Variants in EML6 observed in about 807,000 individuals in gnomAD.
The protein encoded by EML6 is EMAP like 6.
EML6 carries 154 observed loss-of-function variants against 240.1 expected under a neutral mutation model. The observed-to-expected ratio is 0.64, with a 90% confidence interval of 0.56 to 0.73. The LOEUF (loss-of-function observed/expected upper bound fraction) is 0.73, where lower values mean the gene tolerates loss of function less well. Ranked by LOEUF, EML6 falls within the 30% of genes least tolerant of loss-of-function variation. The pLI, the probability that EML6 is intolerant of heterozygous loss-of-function variation, is 0.00. For missense variants in EML6, 2,964 were observed against 2,474.6 expected (o/e 1.20, Z -4.20); for synonymous variants, 1,148 against 899.0 (o/e 1.28, Z -4.95).
At chr2:54,902,466 C>G (rs1411342607) in intron 22 of EML6, among the ~76,000 whole-genome samples, 1 of 152,200 alleles carries the variant, frequency 6.6e-6, no homozygotes, top group Non-Finnish European at 1.5e-5. Context: ...ATGGCATGAT[C>G]ACTGCTCACT....
chr2:54,745,670 G>A (rs1423868644), intron 2 of EML6, among the ~76,000 whole-genome samples: 1 of 152,046 alleles, frequency 6.6e-6, no homozygotes, highest in Non-Finnish European at 1.5e-5. Context: ...GGTCACAGCT[G>A]CTTGGGAGGC....
chr2:54,954,764 C>G (rs752751443), intron 32 of EML6, among the ~76,000 whole-genome samples: 1 of 152,196 alleles, frequency 6.6e-6, no homozygotes, highest in Non-Finnish European at 1.5e-5. Flanking sequence ...GTGTGGTCAT[C>G]TTAGAACTAA....
At chr2:54,894,839 GGGA>G (rs1672675988) in intron 19 of EML6, 73 bp from the exon 20 acceptor site, 1 of 917,720 alleles carries the variant, frequency 1.1e-6, no homozygotes, top group African/African-American at 1.6e-5. Flanking sequence ...CTTACCTGCG[GGGA>G]ATCCTCCTGG....
At chr2:54,889,386 G>T (rs933549577) in intron 17 of EML6, among the ~76,000 whole-genome samples, 12 of 146,086 alleles carry the variant, frequency 8.2e-5, no homozygotes, top group African/African-American at 2.8e-4. Context: ...ATAAACTAAG[G>T]GATAACTGCT....
intron 18 of EML6, among the ~76,000 whole-genome samples, chr2:54,891,833 G>T (rs1479792295): frequency 6.6e-6 from 1 of 152,196 alleles, no homozygotes; most frequent in East Asian, 1.9e-4. Context: ...TAGCTGTCTT[G>T]AATAAAGCTG....
In EML6 at chr2:54,894,969, G is replaced by A. The variant is rs1305868706; in HGVS notation, c.2797G>A (p.Glu933Lys). The A allele has an allele frequency of 6.4e-7, 1 of 1,551,360 alleles. No individual in the cohort carries two copies. The highest frequency in any genetic ancestry group is 8.7e-7 in the Non-Finnish European group (1 of 1,146,802). ...CGTGGAGCTCTGGGATGATATGTTT[G>A]AAAGATGTTTGAAGACTTATGCCAT... ...GIVELWDDMF[E>K]RCLKTYAIKR... Residue 933 changes from glutamate (E) to lysine (K), a missense_variant, in exon 20 of 42, where the codon GAA becomes AAA. Coordinates refer to ENST00000356458, the MANE Select transcript of EML6 (RefSeq NM_001039753.4).
intron 9 of EML6, 28 bp from the exon 10 acceptor site, chr2:54,849,934 C>T: frequency 6.5e-7 from 1 of 1,532,656 alleles, no homozygotes; most frequent in Non-Finnish European, 8.8e-7. Flanking sequence ...AGAATTGCTG[C>T]TTATCGTTTT....
chr2:54,927,233 C>T (rs1674598356), intron 26 of EML6, among the ~76,000 whole-genome samples: 1 of 152,224 alleles, frequency 6.6e-6, no homozygotes, highest in Non-Finnish European at 1.5e-5. Context: ...TCCGCTCTGC[C>T]ATCAGCTAGT....
chr2:54,781,811 A>G (rs1238981181), intron 2 of EML6, among the ~76,000 whole-genome samples: 1 of 152,088 alleles, frequency 6.6e-6, no homozygotes, highest in African/African-American at 2.4e-5. Context: ...TTGGGACCAC[A>G]GGCACATGCT....
At position 54,859,581 on chromosome 2, in the gene EML6, G is replaced by A; in HGVS notation, c.1705G>A (p.Val569Ile). ...YVGHSAHVTNVRWSHDFQWVL... is the reference protein window; with the variant it reads ...YVGHSAHVTNIRWSHDFQWVL... Reference sequence around the variant, plus strand: ...GGGCCATTCTGCACATGTCACAAATGTCCGCTGGTCCCATGACTTTCAGTG... The same window carrying A: ...GGGCCATTCTGCACATGTCACAAATATCCGCTGGTCCCATGACTTTCAGTG... Residue 569 changes from valine to isoleucine, a missense_variant, in exon 12 of 42, where the codon GTC becomes ATC. Transcript: ENST00000356458. 6.4e-7 allele frequency: 1 copy of A among 1,551,270 alleles called. No individual in the cohort carries two copies. Among genetic ancestry groups the A allele is most frequent in the Non-Finnish European group, 8.7e-7 (1 of 1,146,850 alleles).
chr2:54,892,695 C>G, intron 19 of EML6, 39 bp downstream of exon 19: 1 of 1,493,106 alleles, frequency 6.7e-7, no homozygotes, highest in South Asian at 1.2e-5. Flanking sequence ...CCTCATCAGC[C>G]TTCTAAAATT....
intron 7 of EML6, among the ~76,000 whole-genome samples, chr2:54,836,004 C>A (rs1033457212): frequency 6.6e-6 from 1 of 152,178 alleles, no homozygotes; most frequent in Non-Finnish European, 1.5e-5. Context: ...CATTACTTAC[C>A]TCTTGACTCC....
chr2:54,890,799 A>G (rs181860857), intron 17 of EML6, among the ~76,000 whole-genome samples: 2 of 152,362 alleles, frequency 1.3e-5, no homozygotes, highest in East Asian at 1.9e-4. Flanking sequence ...TATGTTTTAA[A>G]TATTTCATTA....
At chr2:54,829,609 T>C (rs1668766338) in intron 7 of EML6, 132 bp downstream of exon 7, 1 of 640,238 alleles carries the variant, frequency 1.6e-6, no homozygotes, top group Non-Finnish European at 2.5e-6. Flanking sequence ...CAAGCAAAAG[T>C]ATGTTAAAAG....
Position 54,916,805 on chromosome 2 carries a change from C to G in EML6, c.3545C>G (p.Thr1182Ser). The G allele has an allele frequency of 3.2e-6, 5 of 1,545,574 alleles. No homozygotes were observed. Among genetic ancestry groups the G allele is most frequent in the Non-Finnish European group, 4.4e-6 (5 of 1,142,244 alleles). Residue 1182 changes from threonine to serine, a missense_variant, in exon 26 of 42, where the codon ACC becomes AGC. Thr to Ser is a moderately conservative substitution (Grantham distance 58). Coordinates refer to ENST00000356458, the MANE Select transcript of EML6 (RefSeq NM_001039753.4). ...WDTWTCVLGP[T>S]CEGIWPAHSD... The stretch of plus-strand genomic sequence containing the variant: ...ACATGGACCTGTGTCCTGGGGCCCA[C>G]CTGTGAGGGAATCTGGCCAGCACAT...
chr2:54,929,815 C>T (rs1405842346), intron 28 of EML6, among the ~76,000 whole-genome samples: 2 of 152,040 alleles, frequency 1.3e-5, no homozygotes, highest in Non-Finnish European at 2.9e-5. Context: ...TGCAAAAAAG[C>T]CCTAATTTTT....
intron 17 of EML6, among the ~76,000 whole-genome samples, chr2:54,890,660 T>TA (rs1242111411): frequency 6.6e-6 from 1 of 152,204 alleles, no homozygotes; most frequent in African/African-American, 2.4e-5. Context: ...TTTTCGTTAA[T>TA]ACTCTCTTTC....
Position 54,844,136 on chromosome 2 carries a change from C to A in EML6, c.937C>A (p.Arg313=). 6.4e-7 allele frequency: 1 copy of A among 1,551,616 alleles called. No individual in the cohort carries two copies. The highest frequency in any genetic ancestry group is 8.7e-7 in the Non-Finnish European group (1 of 1,146,968). ...SEIFEVIVRE[R]DKPMLILQGH... ...GATATTTGAAGTGATTGTGCGAGAGCGAGACAAGCCGATGTTGATCCTACA... is the reference window on the plus strand; with the variant it reads ...GATATTTGAAGTGATTGTGCGAGAGAGAGACAAGCCGATGTTGATCCTACA... The change falls in exon 8 of 42, where the codon CGA becomes AGA. Residue 313 remains arginine (R), a synonymous_variant. Coordinates refer to ENST00000356458, the MANE Select transcript of EML6 (RefSeq NM_001039753.4).
Position 54,754,967 on chromosome 2 carries a change from C to T in EML6, c.197+29709C>T, listed in dbSNP as rs540243976. ...TAATTCAAAATTAAATGTAGTTAGTCACATGTAGCTAGTGGTTACCACAAT... is the reference window on the plus strand; with the variant it reads ...TAATTCAAAATTAAATGTAGTTAGTTACATGTAGCTAGTGGTTACCACAAT... On this transcript the variant is annotated intron_variant, in intron 2 of 41. Transcript: ENST00000356458. Among the ~76,000 whole-genome samples the T allele has an allele frequency of 1.4e-3, 209 of 152,240 alleles. 2 individuals carry two copies. Among genetic ancestry groups the T allele is most frequent in the African/African-American group, 4.6e-3 (191 of 41,526 alleles).
Sources: allele counts gnomAD v4.1 joint callset (sites outside exome capture counted in the v4.1 genomes callset), GRCh38; gene constraint gnomAD v4.1.1; transcripts MANE v1.5; gene names NCBI Gene and HGNC (gene_info 2026-07-23, HGNC 2026-07-21).